The following NQO1 variants were observed in gnomAD, a reference collection of about 807,000 sequenced individuals.
NQO1 encodes the protein NAD(P)H dehydrogenase [quinone] 1.
NQO1 carries 30 observed loss-of-function variants against 32.1 expected under a neutral mutation model. That is an observed-to-expected ratio of 0.94 (90% CI 0.70 to 1.27). The LOEUF (loss-of-function observed/expected upper bound fraction) is 1.27, where lower values mean the gene tolerates loss of function less well. Ranked by LOEUF, NQO1 falls within the 50% of genes most tolerant of loss-of-function variation. The pLI, the probability that NQO1 is intolerant of heterozygous loss-of-function variation, is 0.00. For synonymous variants in NQO1, 109 were observed against 119.7 expected, an observed-to-expected ratio of 0.91 and a Z score of 0.59; for missense variants, 276 against 331.3, an observed-to-expected ratio of 0.83 and a Z score of 1.30.
intron 1 of NQO1, among the ~76,000 whole-genome samples, chr16:69,724,038 G>C (rs1460663425): frequency 2.0e-5 from 3 of 151,962 alleles, no homozygotes; most frequent in Non-Finnish European, 4.4e-5. Flanking sequence ...AGAAGGCTGG[G>C]TGTGGTGGCT....
At chr16:69,716,094 G>C (rs866891224) in intron 3 of NQO1, among the ~76,000 whole-genome samples, 2 of 151,794 alleles carry the variant, frequency 1.3e-5, no homozygotes, top group Non-Finnish European at 1.5e-5. Context: ...CTTGAGCCCA[G>C]GAGTTGGAGG....
chr16:69,710,977 C>G lies in NQO1; in HGVS notation c.824G>C (p.Ter275SerextTer9). The change falls in exon 6 of 6, where the codon TGA becomes TCA. Residue 275 changes from the stop codon to serine (S), a stop_lost. Coordinates refer to ENST00000320623, the MANE Select transcript of NQO1 (RefSeq NM_000903.3). Reference protein sequence around the residue: ...PTDNQIKARK* With the variant: ...PTDNQIKARKS ...GAAGGAAATCCAGGCTAAGGAATCTCATTTTCTAGCTTTGATCTGGTTGTC... is the reference window on the plus strand; with the variant it reads ...GAAGGAAATCCAGGCTAAGGAATCTGATTTTCTAGCTTTGATCTGGTTGTC... The G allele has an allele frequency of 6.8e-6, 11 of 1,608,090 alleles. No individual in the cohort carries two copies. The highest frequency in any genetic ancestry group is 9.3e-6 in the Non-Finnish European group (11 of 1,176,608).
intron 1 of NQO1, among the ~76,000 whole-genome samples, chr16:69,719,641 C>T (rs1050449650): frequency 1.7e-4 from 26 of 152,000 alleles, no homozygotes; most frequent in Admixed American, 9.8e-4. Flanking sequence ...GGTGTGGTAG[C>T]GGGCACCTGT....
intron 3 of NQO1, among the ~76,000 whole-genome samples, chr16:69,716,775 C>A (rs1259749169): frequency 6.6e-6 from 1 of 151,982 alleles, no homozygotes; most frequent in Non-Finnish European, 1.5e-5. Flanking sequence ...CATGGTGAGA[C>A]CCTATTTGTA....
chr16:69,726,424 A>G lies in NQO1; in HGVS notation c.7+9T>C. On this transcript the variant is annotated intron_variant, in intron 1 of 5. Transcript: ENST00000320623. ...GACCGCCAAGCACCCCGCCCTTTGC[A>G]GCACTCACCGACCATGGCTCTGGTG... The G allele has an allele frequency of 6.2e-7, 1 of 1,612,148 alleles. No individual in the cohort carries two copies. The highest frequency in any genetic ancestry group is 1.1e-5 in the South Asian group (1 of 91,036).
At chr16:69,718,605 T>C (rs2038149072) in intron 1 of NQO1, 71 bp from the exon 2 acceptor site, 1 of 1,532,868 alleles carries the variant, frequency 6.5e-7, no homozygotes. Flanking sequence ...TACAGGGGAG[T>C]TGCAGTCTGT....
intron 1 of NQO1, among the ~76,000 whole-genome samples, chr16:69,726,165 A>G (rs1456922656): frequency 2.0e-5 from 3 of 152,154 alleles, no homozygotes; most frequent in Admixed American, 6.5e-5. Flanking sequence ...ACAGTTTTGG[A>G]GGGAATTTCT....
intron 1 of NQO1, among the ~76,000 whole-genome samples, chr16:69,719,134 C>T (rs114300117): frequency 9.5e-4 from 144 of 152,118 alleles, no homozygotes; most frequent in African/African-American, 3.1e-3. Flanking sequence ...TTACATTTAC[C>T]GTGAGTTTAC....
At position 69,715,167 on chromosome 16, in the gene NQO1, C is replaced by CA. The variant is rs2038097504; in HGVS notation, c.304-91dup. ...AGTGCTGAGCCGCTCCCCATGATGG[C>CA]ACTGTGTGGGAAGCCCCTCTTCACA... On this transcript the variant is annotated intron_variant, in intron 3 of 5. Coordinates refer to ENST00000320623, the MANE Select transcript of NQO1 (RefSeq NM_000903.3). 18 of 882,454 alleles carry CA rather than the reference C, an allele frequency of 2.0e-5. No individual in the cohort carries two copies. The Admixed American group carries it at 3.2e-4, about 15-fold the overall frequency. 54.7% of individuals were successfully genotyped at this position (882,454 alleles called of 1,614,324 possible). A position where few individuals can be genotyped will look rare whatever the true frequency, so the allele number is the denominator to read the frequency against.
intron 1 of NQO1, among the ~76,000 whole-genome samples, chr16:69,718,925 C>G (rs2038153200): frequency 6.6e-6 from 1 of 151,576 alleles, no homozygotes. Context: ...ATCCCAGCTA[C>G]TTGGGAGGCT....
In NQO1 at chr16:69,723,029, G is replaced by A. The variant is rs1597604488; in HGVS notation, c.7+3404C>T. Among the ~76,000 whole-genome samples the A allele has an allele frequency of 2.0e-5, 3 of 152,100 alleles. No individual in the cohort carries two copies. The South Asian group carries it at 6.2e-4, about 31-fold the overall frequency. On this transcript the variant is annotated intron_variant, in intron 1 of 5. Coordinates refer to ENST00000320623, the MANE Select transcript of NQO1 (RefSeq NM_000903.3). ...TGCAAGCTCCGCCTCCCAGGTTCACGCCATTCTCCTGCCTCAGCCTCCAGA... is the reference window on the plus strand; with the variant it reads ...TGCAAGCTCCGCCTCCCAGGTTCACACCATTCTCCTGCCTCAGCCTCCAGA...
chr16:69,726,548 G>A lies in NQO1; in HGVS notation c.-109C>T. The A allele has an allele frequency of 6.8e-7, 1 of 1,481,438 alleles. No individual in the cohort carries two copies. Among genetic ancestry groups the A allele is most frequent in the Non-Finnish European group, 9.2e-7 (1 of 1,090,888 alleles). The allele number at this position is 1,481,438 out of a possible 1,614,324, so 91.8% of individuals were successfully genotyped here. A position where few individuals can be genotyped will look rare whatever the true frequency, so the allele number is the denominator to read the frequency against. On this transcript the variant is annotated 5_prime_UTR_variant, in exon 1 of 6. Coordinates refer to ENST00000320623, the MANE Select transcript of NQO1 (RefSeq NM_000903.3). ...TGGGCGGCTCCGGCTGCAACCTTGT[G>A]GGAGTCGCGTGTGTAGTGCACGGTG...
rs1459250611 is a variant in NQO1 at position 69,710,048 on chromosome 16, A to C, written c.*928T>G. The C allele has an allele frequency of 3.0e-6, 1 of 330,258 alleles. No individual in the cohort carries two copies. Among genetic ancestry groups the C allele is most frequent in the African/African-American group, 2.1e-5 (1 of 47,002 alleles). 20.5% of individuals were successfully genotyped at this position (330,258 alleles called of 1,614,324 possible). ...TGCAAACCTTAAAGTAGAAGATTGCAAGGGCCAGGTGTGGTGGATCACGCC... is the reference window on the plus strand; with the variant it reads ...TGCAAACCTTAAAGTAGAAGATTGCCAGGGCCAGGTGTGGTGGATCACGCC... On this transcript the variant is annotated 3_prime_UTR_variant, in exon 6 of 6. Coordinates refer to ENST00000320623, the MANE Select transcript of NQO1 (RefSeq NM_000903.3).
At chr16:69,723,878 C>T (rs781016460) in intron 1 of NQO1, among the ~76,000 whole-genome samples, 10 of 152,114 alleles carry the variant, frequency 6.6e-5, no homozygotes, top group Non-Finnish European at 1.5e-4. Flanking sequence ...ATTTTCCCTT[C>T]CTGCCACTTA....
intron 3 of NQO1, 52 bp downstream of exon 3, chr16:69,718,071 G>A: frequency 6.2e-7 from 1 of 1,609,432 alleles, no homozygotes; most frequent in Non-Finnish European, 8.5e-7. Context: ...TACATGTCTA[G>A]GACAATAAGC....
At chr16:69,721,213 A>G (rs1023335167) in intron 1 of NQO1, among the ~76,000 whole-genome samples, 4 of 152,132 alleles carry the variant, frequency 2.6e-5, no homozygotes, top group African/African-American at 9.7e-5. Context: ...CTTTGTCAGG[A>G]CAACCTGCTA....
chr16:69,724,080 G>C (rs1287316611), intron 1 of NQO1, among the ~76,000 whole-genome samples: 6 of 151,778 alleles, frequency 4.0e-5, no homozygotes, highest in African/African-American at 1.5e-4. Context: ...TTGGGAGACC[G>C]AGGCGGGTGG....
chr16:69,713,455 C>T (rs1004632652), intron 4 of NQO1, among the ~76,000 whole-genome samples: 8 of 152,170 alleles, frequency 5.3e-5, no homozygotes, highest in South Asian at 2.1e-4. Flanking sequence ...CATCCTCCCA[C>T]GGGCTAGGCA....
chr16:69,710,994 C>A lies in NQO1; in HGVS notation c.807G>T (p.Gln269His). 1 of 1,612,638 alleles carries A rather than the reference C, an allele frequency of 6.2e-7. No homozygotes were observed. Residue 269 changes from glutamine (Q) to histidine (H), a missense_variant, in exon 6 of 6, where the codon CAG becomes CAT. By Grantham distance (24) the Gln-to-His change is conservative. Transcript: ENST00000320623. Reference sequence around the variant, plus strand: ...AGGAATCTCATTTTCTAGCTTTGATCTGGTTGTCAGTTGGGATGGACTTGC... The same window carrying A: ...AGGAATCTCATTTTCTAGCTTTGATATGGTTGTCAGTTGGGATGGACTTGC... Reference protein sequence around the residue: ...HLGKSIPTDNQIKARK With the variant: ...HLGKSIPTDNHIKARK
Sources: allele counts gnomAD v4.1 joint callset (sites outside exome capture counted in the v4.1 genomes callset), GRCh38; gene constraint gnomAD v4.1.1; transcripts MANE v1.5; gene names NCBI Gene and HGNC (gene_info 2026-07-23, HGNC 2026-07-21).